DLC1: variants seen among roughly 807,000 people sequenced by gnomAD.
DLC1 encodes the protein rho GTPase-activating protein 7.
In DLC1, 54 loss-of-function variants were observed where a neutral mutation model predicts 140.3. The observed-to-expected ratio is 0.38, with a 90% CI of 0.31 to 0.48. DLC1 has a LOEUF of 0.48. Among genes scored for constraint, DLC1 ranks in the 20% least tolerant of loss-of-function variants. The probability of loss-of-function intolerance (pLI) is 0.96; values close to 1 mark genes in which losing one functional copy is unlikely to be tolerated. For synonymous variants in DLC1, 986 were observed against 728.1 expected (o/e 1.35, Z -5.70); for missense variants, 2,536 against 1,907.0 (o/e 1.33, Z -6.14).
intron 4 of DLC1, among the ~76,000 whole-genome samples, chr8:13,390,520 T>C (rs1426384473): frequency 6.6e-6 from 1 of 152,220 alleles, no homozygotes; most frequent in African/African-American, 2.4e-5. Context: ...TCAAATCATA[T>C]TTCTGATTCT....
rs117804190 is a variant in DLC1 at position 13,410,537 on chromosome 8, C to T, written c.1024-8918G>A. Among the ~76,000 whole-genome samples the T allele has an allele frequency of 1.8e-3, 277 of 152,108 alleles. 12 individuals carry two copies. In the East Asian group the frequency reaches 0.051, roughly 28 times the overall value. ...AAAAACGCAAGACCACTCTTGTCCT[C>T]TCCCGTTAATCATTTAAAAAATGGA... On this transcript the variant is annotated intron_variant, in intron 2 of 17. Coordinates refer to ENST00000276297, the MANE Select transcript of DLC1 (RefSeq NM_182643.3).
intron 5 of DLC1, among the ~76,000 whole-genome samples, chr8:13,201,285 T>C (rs73663641): frequency 0.053 from 8,110 of 152,230 alleles, 746 homozygotes; most frequent in African/African-American, 0.18. Context: ...TTGTCAAATA[T>C]ATTGTGTCAA....
intron 2 of DLC1, among the ~76,000 whole-genome samples, chr8:13,476,619 A>G (rs1382619482): frequency 1.3e-5 from 2 of 152,200 alleles, no homozygotes; most frequent in Non-Finnish European, 2.9e-5. Flanking sequence ...CAGAATGAAT[A>G]GAAAGGAACA....
intron 1 of DLC1, among the ~76,000 whole-genome samples, chr8:13,505,990 T>G (rs1251966310): frequency 6.6e-6 from 1 of 152,236 alleles, no homozygotes; most frequent in Non-Finnish European, 1.5e-5. Flanking sequence ...TGGCAACTTT[T>G]GTATTCATCC....
At chr8:13,189,115 G>A (rs1044011811) in intron 5 of DLC1, among the ~76,000 whole-genome samples, 1 of 151,874 alleles carries the variant, frequency 6.6e-6, no homozygotes, top group Non-Finnish European at 1.5e-5. Flanking sequence ...AAAAGACATA[G>A]TTTTTCATGA....
chr8:13,223,400 T>A (rs1828650820), intron 5 of DLC1, among the ~76,000 whole-genome samples: 1 of 152,216 alleles, frequency 6.6e-6, no homozygotes, highest in Non-Finnish European at 1.5e-5. Context: ...AATACAATAA[T>A]CTGTTTGCCT....
At chr8:13,299,447 C>T (rs1975106) in intron 5 of DLC1, among the ~76,000 whole-genome samples, 138,777 of 140,398 alleles carry the variant, frequency 0.99, 68,606 homozygotes, top group Middle Eastern at 1. Context: ...AAACTCCTTC[C>T]CAAAAAAAGA....
At chr8:13,086,514 G>C in intron 16 of DLC1, 51 bp from the exon 17 acceptor site, 2 of 1,591,926 alleles carry the variant, frequency 1.3e-6, no homozygotes, top group Middle Eastern at 1.7e-4. Context: ...TAGAAGCCAA[G>C]TTTAAAATCG....
At chr8:13,422,933 G>A (rs1838384793) in intron 2 of DLC1, among the ~76,000 whole-genome samples, 1 of 152,126 alleles carries the variant, frequency 6.6e-6, no homozygotes, top group African/African-American at 2.4e-5. Flanking sequence ...TTGAATTTGA[G>A]TAAAATGGAA....
At chr8:13,088,929 A>G (rs1211625208) in intron 15 of DLC1, among the ~76,000 whole-genome samples, 1 of 152,208 alleles carries the variant, frequency 6.6e-6, no homozygotes, top group Non-Finnish European at 1.5e-5. Context: ...AGCAAGCCAG[A>G]AAGTGAAAAA....
intron 10 of DLC1, chr8:13,096,046 CA>C (rs1353129424): frequency 1.3e-5 from 2 of 152,248 alleles, no homozygotes; most frequent in African/African-American, 4.8e-5. Context: ...GCAGGAAACC[CA>C]TGTCATGCAT....
chr8:13,366,671 T>C (rs1265621092), intron 4 of DLC1, among the ~76,000 whole-genome samples: 2 of 152,152 alleles, frequency 1.3e-5, no homozygotes, highest in African/African-American at 4.8e-5. Flanking sequence ...GCCAGAAACT[T>C]CCCCTGACTA....
chr8:13,288,885 C>A (rs1215783540), intron 5 of DLC1, among the ~76,000 whole-genome samples: 1 of 152,174 alleles, frequency 6.6e-6, no homozygotes, highest in Non-Finnish European at 1.5e-5. Context: ...TTAGGGGAAG[C>A]TAAAGGTTGT....
At chr8:13,281,786 T>A (rs1222548275) in intron 5 of DLC1, among the ~76,000 whole-genome samples, 7 of 152,218 alleles carry the variant, frequency 4.6e-5, no homozygotes, top group African/African-American at 1.4e-4. Flanking sequence ...GACTTCCTTT[T>A]CTTCTTGAGT....
intron 16 of DLC1, 49 bp downstream of exon 16, chr8:13,088,438 C>A: frequency 6.3e-7 from 1 of 1,586,990 alleles, no homozygotes; most frequent in Admixed American, 1.7e-5. Flanking sequence ...AGGCTTGGTT[C>A]ATATATGGAG....
chr8:13,582,685 C>CAT (rs199744795), intron 1 of DLC1, among the ~76,000 whole-genome samples: 9 of 150,942 alleles, frequency 6.0e-5, no homozygotes, highest in Middle Eastern at 3.2e-3. Context: ...AATAAACTTC[C>CAT]ATATATATAT....
intron 5 of DLC1, among the ~76,000 whole-genome samples, chr8:13,159,023 G>T (rs1289475446): frequency 6.6e-6 from 1 of 152,084 alleles, no homozygotes; most frequent in African/African-American, 2.4e-5. Context: ...ATGTAGCAAG[G>T]AAATTTATGT....
chr8:13,543,954 C>T (rs375514787), intron 1 of DLC1, among the ~76,000 whole-genome samples: 19 of 151,614 alleles, frequency 1.3e-4, no homozygotes, highest in East Asian at 9.6e-4. Flanking sequence ...CACAGTTCAT[C>T]CATGCAACCA....
At chr8:13,303,801 C>T (rs903908608) in intron 5 of DLC1, among the ~76,000 whole-genome samples, 1 of 149,928 alleles carries the variant, frequency 6.7e-6, no homozygotes, top group East Asian at 1.9e-4. Context: ...GACTCCATCT[C>T]AAAAAAAAAT....
Sources: allele counts gnomAD v4.1 joint callset (sites outside exome capture counted in the v4.1 genomes callset), GRCh38; gene constraint gnomAD v4.1.1; transcripts MANE v1.5; gene names NCBI Gene and HGNC (gene_info 2026-07-23, HGNC 2026-07-21).